The following FOXM1 variants were observed in gnomAD, a reference collection of about 807,000 sequenced individuals.
FOXM1 encodes the protein forkhead box M1.
A neutral mutation model predicts 63.6 loss-of-function variants in FOXM1; 25 were observed. The observed-to-expected ratio is 0.39, with a 90% CI of 0.29 to 0.55. The LOEUF (loss-of-function observed/expected upper bound fraction) is 0.55, where lower values mean the gene tolerates loss of function less well. FOXM1 is among the 20% of genes least tolerant of loss of function. The probability of loss-of-function intolerance (pLI) is 0.60; values close to 1 mark genes in which losing one functional copy is unlikely to be tolerated. For synonymous variants in FOXM1, 387 were observed against 376.9 expected (o/e 1.03, Z -0.31); for missense variants, 879 against 958.7 (o/e 0.92, Z 1.10).
At position 2,864,237 on chromosome 12, in the gene FOXM1, A is replaced by T. The variant is rs28990718; in HGVS notation, c.1266+83T>A. The T allele has an allele frequency of 3.0e-3, 3,771 of 1,238,002 alleles. 93 individuals carry two copies. The African/African-American group carries it at 0.049, about 16-fold the overall frequency. The allele number at this position is 1,238,002 out of a possible 1,614,324, so 76.7% of individuals were successfully genotyped here. A position where few individuals can be genotyped will look rare whatever the true frequency, so the allele number is the denominator to read the frequency against. On this transcript the variant is annotated intron_variant, in intron 8 of 8. Coordinates refer to ENST00000359843, the MANE Select transcript of FOXM1 (RefSeq NM_021953.4). The surrounding 1 kb of genome is among the most constrained non-coding windows in gnomAD (Gnocchi z 5.1). ...CTAGATTTATAAGCTCTCAAGGAACACTTATCAGAGTGCTTTGCAAGCTGA... is the reference window on the plus strand; with the variant it reads ...CTAGATTTATAAGCTCTCAAGGAACTCTTATCAGAGTGCTTTGCAAGCTGA...
chr12:2,867,717 T>C (rs893120906), intron 4 of FOXM1, among the ~76,000 whole-genome samples: 6 of 150,132 alleles, frequency 4.0e-5, no homozygotes, highest in Non-Finnish European at 5.9e-5. Context: ...GGCTCATGCC[T>C]GTAATCCCAG....
Position 2,864,249 on chromosome 12 carries a change from G to C in FOXM1, c.1266+71C>G. ...GCTCTCAAGGAACACTTATCAGAGT[G>C]CTTTGCAAGCTGAAGGTCCAACATT... On this transcript the variant is annotated intron_variant, in intron 8 of 8. Coordinates refer to ENST00000359843, the MANE Select transcript of FOXM1 (RefSeq NM_021953.4). The surrounding 1 kb of genome is among the most constrained non-coding windows in gnomAD (Gnocchi z 5.1). 2.2e-6 allele frequency: 3 copies of C among 1,356,190 alleles called. No individual in the cohort carries two copies. The Admixed American group carries it at 6.0e-5, about 27-fold the overall frequency. The allele number at this position is 1,356,190 out of a possible 1,614,324, so 84.0% of individuals were successfully genotyped here. A position where few individuals can be genotyped will look rare whatever the true frequency, so the allele number is the denominator to read the frequency against.
rs960284226 is a variant in FOXM1, at chr12:2,870,381, T to G, written c.655-1627A>C. Among the ~76,000 whole-genome samples, 6 of 152,224 alleles carry G rather than the reference T, an allele frequency of 3.9e-5. No individual in the cohort carries two copies. The East Asian group carries it at 1.2e-3, about 29-fold the overall frequency. On this transcript the variant is annotated intron_variant, in intron 3 of 8. Transcript: ENST00000359843. ...CATGTTCTCACTTATAAGTAGGAAC[T>G]AGGCTGGGTACGGTGGCTCACGCCT... is the stretch of plus-strand genomic sequence containing the variant.
In FOXM1 at chr12:2,860,732, C is replaced by T. The variant is rs28918676; in HGVS notation, c.1267-1069G>A. 8.7e-3 allele frequency among the ~76,000 whole-genome samples: 1,293 copies of T among 149,354 alleles called. 17 individuals carry two copies. The highest frequency in any genetic ancestry group is 0.03 in the African/African-American group (1,222 of 40,492). On this transcript the variant is annotated intron_variant, in intron 8 of 8. Coordinates refer to ENST00000359843, the MANE Select transcript of FOXM1 (RefSeq NM_021953.4). Reference sequence around the variant, plus strand: ...TACTAAAAATACAAAATTAGCCGGGCGTGGTGGCATGCACCTGTAATCCCA... The same window carrying T: ...TACTAAAAATACAAAATTAGCCGGGTGTGGTGGCATGCACCTGTAATCCCA...
intron 1 of FOXM1, among the ~76,000 whole-genome samples, chr12:2,875,656 CCT>C (rs1437583802): frequency 1.3e-5 from 2 of 151,842 alleles, no homozygotes; most frequent in African/African-American, 4.8e-5. Context: ...GACTATAACC[CCT>C]GTCTTCTTAG....
At chr12:2,866,589 T>A in intron 4 of FOXM1, 68 bp from the exon 5 acceptor site, 4 of 1,438,944 alleles carry the variant, frequency 2.8e-6, no homozygotes, top group Non-Finnish European at 3.7e-6. Flanking sequence ...TTCAAACACA[T>A]GGGGAAACCA....
chr12:2,869,814 C>T (rs370669438), intron 3 of FOXM1, among the ~76,000 whole-genome samples: 3 of 150,108 alleles, frequency 2.0e-5, no homozygotes, highest in African/African-American at 7.4e-5. Flanking sequence ...CTAGAACTTA[C>T]GGGCTCAAGC....
rs1410175649 is a variant in FOXM1, at chr12:2,859,282, G to C, written c.1648C>G (p.Leu550Val). The change falls in exon 9 of 9, where the codon CTA (leucine) becomes GTA (valine). Residue 550 changes from leucine (L) to valine (V), a missense_variant. Coordinates refer to ENST00000359843, the MANE Select transcript of FOXM1 (RefSeq NM_021953.4). ...ERSRSRRKQH[L>V]LPPCVDEPEL... is the part of the protein sequence containing the mutation. Reference sequence around the variant, plus strand: ...GGCTCATCCACACAGGGAGGCAGTAGATGCTGTTTTCTCCGAGACCGGCTC... The same window carrying C: ...GGCTCATCCACACAGGGAGGCAGTACATGCTGTTTTCTCCGAGACCGGCTC... 12 of 1,613,704 alleles carry C rather than the reference G, an allele frequency of 7.4e-6. No individual in the cohort carries two copies. The highest frequency in any genetic ancestry group is 9.3e-6 in the Non-Finnish European group (11 of 1,180,004).
chr12:2,860,529 T>C (rs183209727), intron 8 of FOXM1, among the ~76,000 whole-genome samples: 1 of 152,098 alleles, frequency 6.6e-6, no homozygotes, highest in African/African-American at 2.4e-5. Flanking sequence ...ACAATAGAAG[T>C]AGAAAAATAT....
intron 8 of FOXM1, among the ~76,000 whole-genome samples, chr12:2,862,052 G>A (rs953597580): frequency 3.9e-5 from 6 of 152,008 alleles, no homozygotes; most frequent in African/African-American, 9.7e-5. Flanking sequence ...GGTGACGTGC[G>A]CCTGTGATCG....
At position 2,868,501 on chromosome 12, in the gene FOXM1, C is replaced by T. The variant is rs567193082; in HGVS notation, c.846+62G>A. 195 of 1,252,010 alleles carry T rather than the reference C, an allele frequency of 1.6e-4. 1 individual carries two copies. In the South Asian group the frequency reaches 2.6e-3, roughly 17 times the overall value. 77.6% of individuals were successfully genotyped at this position (1,252,010 alleles called of 1,614,324 possible). ...GCTGTCCCAGATACAAGTTGCAGTA[C>T]AGCACTGGAGAGACTGTCAGGCTGG... is the stretch of plus-strand genomic sequence containing the variant. On this transcript the variant is annotated intron_variant, in intron 4 of 8. Coordinates refer to ENST00000359843, the MANE Select transcript of FOXM1 (RefSeq NM_021953.4).
At chr12:2,873,093 T>C (rs1320932234) in intron 2 of FOXM1, among the ~76,000 whole-genome samples, 1 of 152,080 alleles carries the variant, frequency 6.6e-6, no homozygotes, top group Non-Finnish European at 1.5e-5. Flanking sequence ...TTCAGTTTTC[T>C]CCTTTATCAA....
intron 2 of FOXM1, among the ~76,000 whole-genome samples, chr12:2,873,676 T>C (rs1395638112): frequency 6.6e-6 from 1 of 151,866 alleles, no homozygotes; most frequent in Admixed American, 6.6e-5. Context: ...CCTCCCAGGT[T>C]CAGCGATTCT....
At chr12:2,871,961 T>A in intron 3 of FOXM1, 135 bp downstream of exon 3, 9 of 940,200 alleles carry the variant, frequency 9.6e-6, no homozygotes, top group South Asian at 5.4e-5. Flanking sequence ...TCAAAAGTTA[T>A]GCAGAATAGC....
At chr12:2,873,213 C>G (rs1005446707) in intron 2 of FOXM1, among the ~76,000 whole-genome samples, 2 of 151,938 alleles carry the variant, frequency 1.3e-5, no homozygotes, top group African/African-American at 4.8e-5. Context: ...ACCTGGCTAA[C>G]ATGGCAAACC....
At chr12:2,867,649 G>T (rs1160574613) in intron 4 of FOXM1, among the ~76,000 whole-genome samples, 1 of 146,578 alleles carries the variant, frequency 6.8e-6, no homozygotes, top group Non-Finnish European at 1.5e-5. Context: ...GTGACAGAGC[G>T]AGACTCCATC....
chr12:2,870,138 G>A (rs1302724663), intron 3 of FOXM1, among the ~76,000 whole-genome samples: 2 of 151,628 alleles, frequency 1.3e-5, no homozygotes, highest in African/African-American at 4.8e-5. Flanking sequence ...TTATAGGCAT[G>A]TACTACTGCA....
In FOXM1 at chr12:2,865,458, A is replaced by G. The variant is rs1464927167; in HGVS notation, c.976-59T>C. On this transcript the variant is annotated intron_variant, in intron 5 of 8. Coordinates refer to ENST00000359843, the MANE Select transcript of FOXM1 (RefSeq NM_021953.4). Reference sequence around the variant, plus strand: ...AGATGAAGTTACCACCAACGTGGTCAATTTGACCGGATTGGGAAAAACACT... The same window carrying G: ...AGATGAAGTTACCACCAACGTGGTCGATTTGACCGGATTGGGAAAAACACT... 2.1e-6 allele frequency: 3 copies of G among 1,424,750 alleles called. No individual in the cohort carries two copies. The African/African-American group carries it at 4.3e-5, about 20-fold the overall frequency. The allele number at this position is 1,424,750 out of a possible 1,614,324, so 88.3% of individuals were successfully genotyped here.
rs1387202050 is a variant in FOXM1 at position 2,874,909 on chromosome 12, C to T, written c.-47-384G>A. 6.6e-6 allele frequency among the ~76,000 whole-genome samples: 1 copy of T among 151,862 alleles called. No homozygotes were observed. The highest frequency in any genetic ancestry group is 1.9e-4 in the East Asian group (1 of 5,180). ...ACTGTATGGACAGAAATGGAAGATG[C>T]TAGAATAGGAAAGCATATGGTAATT... On this transcript the variant is annotated intron_variant, in intron 1 of 8. Coordinates refer to ENST00000359843, the MANE Select transcript of FOXM1 (RefSeq NM_021953.4). This position sits in a 1 kb window ranked among gnomAD's most constrained non-coding sequence, Gnocchi z 4.3.
Sources: allele counts gnomAD v4.1 joint callset (sites outside exome capture counted in the v4.1 genomes callset), GRCh38; gene constraint gnomAD v4.1.1; non-coding constraint Gnocchi (gnomAD v3.1); transcripts MANE v1.5; gene names NCBI Gene and HGNC (gene_info 2026-07-23, HGNC 2026-07-21).